PCDHGA6: variants seen among roughly 807,000 people sequenced by gnomAD.
The protein encoded by PCDHGA6 is protocadherin gamma subfamily A, 6, also known as protocadherin gamma-A6.
A neutral mutation model predicts 60.6 loss-of-function variants in PCDHGA6; 41 were observed. The observed-to-expected ratio is 0.68, with a 90% CI of 0.53 to 0.88. The LOEUF (loss-of-function observed/expected upper bound fraction) is 0.88, where lower values mean the gene tolerates loss of function less well. PCDHGA6 is among the 40% of genes least tolerant of loss of function. PCDHGA6 has a pLI of 0.00. For missense variants in PCDHGA6, 1,312 were observed against 1,203.0 expected, an observed-to-expected ratio of 1.09 and a Z score of -1.34; for synonymous variants, 594 against 524.4, an observed-to-expected ratio of 1.13 and a Z score of -1.81.
chr5:141,430,380 T>TG (rs1376875091), intron 1 of PCDHGA6, among the ~76,000 whole-genome samples: 2 of 147,890 alleles, frequency 1.4e-5, no homozygotes, highest in African/African-American at 5.0e-5. Context: ...AAAAGCTCAT[T>TG]GGGAAAAAAA....
rs774354457 is a variant in PCDHGA6 at position 141,409,462 on chromosome 5, CA to C, written c.2424+32956del. 8.1e-6 allele frequency: 13 copies of C among 1,613,870 alleles called. No individual in the cohort carries two copies. The East Asian group carries it at 2.9e-4, about 36-fold the overall frequency. On this transcript the variant is annotated intron_variant, in intron 1 of 3. Coordinates refer to ENST00000517434, the MANE Select transcript of PCDHGA6 (RefSeq NM_018919.3). ...GAGAGCAGACACCAGAATACAATGT[CA>C]CCATCGTAGCCACTGACAGGGGCAA... is the stretch of plus-strand genomic sequence containing the variant.
chr5:141,396,814 G>C (rs573559857), intron 1 of PCDHGA6, among the ~76,000 whole-genome samples: 10 of 152,322 alleles, frequency 6.6e-5, no homozygotes, highest in African/African-American at 2.2e-4. Flanking sequence ...GTGTTCTACT[G>C]TATGGTGCAT....
intron 1 of PCDHGA6, chr5:141,378,561 A>C (rs1775013664): frequency 6.6e-6 from 1 of 152,238 alleles, no homozygotes. Context: ...AAGAGTGAAC[A>C]TGAATTTTAA....
intron 1 of PCDHGA6, among the ~76,000 whole-genome samples, chr5:141,482,866 G>A (rs768388750): frequency 2.7e-5 from 4 of 150,296 alleles, no homozygotes; most frequent in Non-Finnish European, 4.4e-5. Flanking sequence ...GAGGTCAGGA[G>A]TTTGAAACCA....
intron 1 of PCDHGA6, among the ~76,000 whole-genome samples, chr5:141,488,225 T>G (rs2099673126): frequency 6.6e-6 from 1 of 152,136 alleles, no homozygotes. Flanking sequence ...CTACTGGGGA[T>G]TTGAACTAGA....
intron 1 of PCDHGA6, chr5:141,377,921 A>C (rs1249670755): frequency 6.6e-6 from 1 of 152,150 alleles, no homozygotes; most frequent in African/African-American, 2.4e-5. Flanking sequence ...GTAAAAATCC[A>C]CCTGTAACTG....
chr5:141,382,729 A>G, intron 1 of PCDHGA6: 1 of 548,650 alleles, frequency 1.8e-6, no homozygotes, highest in Non-Finnish European at 3.1e-6. Flanking sequence ...GTTTTACAGC[A>G]CAGAGAAACG....
intron 1 of PCDHGA6, among the ~76,000 whole-genome samples, chr5:141,450,814 A>ATT (rs755856825): frequency 0.033 from 4,450 of 136,778 alleles, 81 homozygotes; most frequent in Middle Eastern, 0.081. Context: ...TTATTTATTT[A>ATT]ATATTATTAT....
At chr5:141,450,008 T>C (rs78952430) in intron 1 of PCDHGA6, among the ~76,000 whole-genome samples, 2 of 37,390 alleles carry the variant, frequency 5.3e-5, no homozygotes, top group African/African-American at 6.8e-4. Flanking sequence ...CCATGTCTCT[T>C]TTTTTTTTTT....
In PCDHGA6 at chr5:141,511,405, T is replaced by C. The variant is rs1274658643; in HGVS notation, c.*232T>C. The C allele has an allele frequency of 2.2e-5, 21 of 944,066 alleles. No homozygotes were observed. In the East Asian group the frequency reaches 5.8e-4, roughly 26 times the overall value. 58.5% of individuals were successfully genotyped at this position (944,066 alleles called of 1,614,324 possible). On this transcript the variant is annotated 3_prime_UTR_variant, in exon 4 of 4. Transcript: ENST00000517434. ...CGCTGGGAACCCCCATCCAATCAACTGCTGTACCCATGGGGGTAGTGGGGT... is the reference window on the plus strand; with the variant it reads ...CGCTGGGAACCCCCATCCAATCAACCGCTGTACCCATGGGGGTAGTGGGGT...
intron 1 of PCDHGA6, among the ~76,000 whole-genome samples, chr5:141,481,730 G>C (rs778885944): frequency 6.6e-5 from 10 of 151,952 alleles, no homozygotes; most frequent in Non-Finnish European, 1.3e-4. Flanking sequence ...GAGGCGGGCG[G>C]ATCACGAGGT....
chr5:141,383,143 G>A (rs371358932), intron 1 of PCDHGA6: 2 of 1,613,972 alleles, frequency 1.2e-6, no homozygotes, highest in Non-Finnish European at 8.5e-7. Context: ...CCAGCGCAGC[G>A]GCAGCTTGGT....
intron 1 of PCDHGA6, chr5:141,404,104 T>C (rs2094485215): frequency 1.2e-6 from 2 of 1,613,640 alleles, no homozygotes; most frequent in East Asian, 2.2e-5. Flanking sequence ...AAGTTGTCTG[T>C]TCTATCCAGG....
At position 141,477,754 on chromosome 5, in the gene PCDHGA6, C is replaced by T. The variant is rs1325020341; in HGVS notation, c.2425-17053C>T. The T allele has an allele frequency of 3.7e-6, 6 of 1,613,928 alleles. No homozygotes were observed. Among genetic ancestry groups the T allele is most frequent in the Non-Finnish European group, 5.1e-6 (6 of 1,180,046 alleles). On this transcript the variant is annotated intron_variant, in intron 1 of 3. Coordinates refer to ENST00000517434, the MANE Select transcript of PCDHGA6 (RefSeq NM_018919.3). The surrounding 1 kb of genome is among the most constrained non-coding windows in gnomAD (Gnocchi z 4.9). Reference sequence around the variant, plus strand: ...ATATCAGCGATGGGGGCACCCCGGTCCTAGCCACCAACATCAGCGTGAACA... The same window carrying T: ...ATATCAGCGATGGGGGCACCCCGGTTCTAGCCACCAACATCAGCGTGAACA...
chr5:141,489,229 G>A lies in PCDHGA6; in HGVS notation c.2425-5578G>A, dbSNP rs1188849525. 5.9e-6 allele frequency: 9 copies of A among 1,522,134 alleles called. No homozygotes were observed. In the Admixed American group the frequency reaches 6.4e-5, roughly 11 times the overall value. 94.3% of individuals were successfully genotyped at this position (1,522,134 alleles called of 1,614,324 possible). On this transcript the variant is annotated intron_variant, in intron 1 of 3. Transcript: ENST00000517434. The surrounding 1 kb of genome is among the most constrained non-coding windows in gnomAD (Gnocchi z 4.5). The stretch of plus-strand genomic sequence containing the variant: ...AGCACAGACTTACTCTCCACAAAGG[G>A]ACTTCTGGGTCATGGGGCCCAAGAC...
chr5:141,476,770 C>T lies in PCDHGA6; in HGVS notation c.2425-18037C>T, dbSNP rs1452363016. 6.2e-7 allele frequency: 1 copy of T among 1,613,568 alleles called. No homozygotes were observed. The highest frequency in any genetic ancestry group is 8.5e-7 in the Non-Finnish European group (1 of 1,180,020). ...TCCAGTTAGTGCTGACGGCGTTGGA[C>T]GGAGGGACCCCAGCTCTCTCCGCCA... On this transcript the variant is annotated intron_variant, in intron 1 of 3. Coordinates refer to ENST00000517434, the MANE Select transcript of PCDHGA6 (RefSeq NM_018919.3). This position sits in a 1 kb window ranked among gnomAD's most constrained non-coding sequence, Gnocchi z 7.6.
chr5:141,473,004 AAAAG>A (rs1215989598), intron 1 of PCDHGA6, among the ~76,000 whole-genome samples: 5 of 151,730 alleles, frequency 3.3e-5, no homozygotes, highest in Non-Finnish European at 7.4e-5. Context: ...AAAAGAAAGA[AAAAG>A]AAAAAGAAAG....
At position 141,469,759 on chromosome 5, in the gene PCDHGA6, T is replaced by C. The variant is rs192437401; in HGVS notation, c.2425-25048T>C. On this transcript the variant is annotated intron_variant, in intron 1 of 3. Coordinates refer to ENST00000517434, the MANE Select transcript of PCDHGA6 (RefSeq NM_018919.3). ...ACCTCAAAAATTACAAAAATACATATATACCAGCTTATTTATTACAGCGTT... is the reference window on the plus strand; with the variant it reads ...ACCTCAAAAATTACAAAAATACATACATACCAGCTTATTTATTACAGCGTT... 3.9e-3 allele frequency among the ~76,000 whole-genome samples: 591 copies of C among 152,310 alleles called. 6 individuals are homozygous for C. Among genetic ancestry groups the C allele is most frequent in the Admixed American group, 0.011 (171 of 15,298 alleles).
chr5:141,497,858 C>T (rs920483410), intron 2 of PCDHGA6, among the ~76,000 whole-genome samples: 3 of 152,218 alleles, frequency 2.0e-5, no homozygotes, highest in Non-Finnish European at 2.9e-5. Flanking sequence ...TTTGATTCAG[C>T]GGCTCCAAAG....
Sources: gnomAD v4.1 joint callset for allele counts (sites outside exome capture counted in the v4.1 genomes callset) on GRCh38, gnomAD v4.1.1 for gene constraint, Gnocchi (gnomAD v3.1) non-coding constraint, MANE v1.5 for transcripts, NCBI Gene and HGNC (gene_info 2026-07-23, HGNC 2026-07-21) for gene names.